Variants in EXOSC5 observed in about 807,000 individuals in gnomAD.
The protein encoded by EXOSC5 is exosome complex component RRP46.
EXOSC5 carries 15 observed loss-of-function variants against 23.7 expected under a neutral mutation model. That is an observed-to-expected ratio of 0.63 (90% CI 0.42 to 0.97). EXOSC5 has a LOEUF of 0.97. EXOSC5 is among the 50% of genes least tolerant of loss of function. The pLI, the probability that EXOSC5 is intolerant of heterozygous loss-of-function variation, is 0.00. For synonymous variants in EXOSC5, 143 were observed against 140.9 expected, an observed-to-expected ratio of 1.02 and a Z score of -0.11; for missense variants, 305 against 316.3, an observed-to-expected ratio of 0.96 and a Z score of 0.27.
chr19:41,397,344 T>G lies in EXOSC5; in HGVS notation c.-16A>C. 6.3e-7 allele frequency: 1 copy of G among 1,587,492 alleles called. No individual in the cohort carries two copies. Among genetic ancestry groups the G allele is most frequent in the Non-Finnish European group, 8.6e-7 (1 of 1,163,454 alleles). ...CCTCCTCCATCGCGCCGAGCCCACG[T>G]GCGGCTGCAGTTGTCACTTCCGCCT... On this transcript the variant is annotated 5_prime_UTR_variant, in exon 1 of 6. Coordinates refer to ENST00000221233, the MANE Select transcript of EXOSC5 (RefSeq NM_020158.4).
chr19:41,387,570 T>C lies in EXOSC5; in HGVS notation c.559A>G (p.Ser187Gly), dbSNP rs764802562. 1.7e-5 allele frequency: 27 copies of C among 1,606,772 alleles called. No individual in the cohort carries two copies. Among genetic ancestry groups the C allele is most frequent in the Non-Finnish European group, 2.3e-5 (27 of 1,177,158 alleles). Residue 187 changes from serine to glycine, a missense_variant, in exon 5 of 6, where the codon AGC becomes GGC. Ser to Gly is a moderately conservative substitution (Grantham distance 56, BLOSUM62 0). Transcript: ENST00000221233. ...ARAVLTFALD[S>G]VERKLLMSST... ...GACATCAGCAGCTTCCGTTCCACGC[T>C]GTCCAGGGCAAAGGTCAGGACTGCC...
chr19:41,390,148 G>A (rs2039013402), intron 3 of EXOSC5, among the ~76,000 whole-genome samples: 1 of 152,064 alleles, frequency 6.6e-6, no homozygotes, highest in Non-Finnish European at 1.5e-5. Flanking sequence ...GGCCAGGCTG[G>A]TCTGAAAACT....
At chr19:41,395,114 C>T in intron 1 of EXOSC5, among the ~76,000 whole-genome samples, 1 of 151,722 alleles carries the variant, frequency 6.6e-6, no homozygotes, top group East Asian at 1.9e-4. Context: ...CTGTGAGCAA[C>T]TGCACCCGGC....
Position 41,397,275 on chromosome 19 carries a change from C to T in EXOSC5, c.54G>A (p.Gly18=). Residue 18 remains glycine, a synonymous_variant, in exon 1 of 6, where the codon GGG becomes GGA. Coordinates refer to ENST00000221233, the MANE Select transcript of EXOSC5 (RefSeq NM_020158.4). ...TGCAGCCAGGACCCCGAGGGCTGGA[C>T]CCTGTTCCATTTTCAGCACGGATTT... ...DAKIRAENGT[G]SSPRGPGCSL... 1 of 1,614,152 alleles carries T rather than the reference C, an allele frequency of 6.2e-7. No individual in the cohort carries two copies. Among genetic ancestry groups the T allele is most frequent in the Non-Finnish European group, 8.5e-7 (1 of 1,179,984 alleles).
At chr19:41,391,636 T>C (rs1466084333) in intron 3 of EXOSC5, 8 of 576,920 alleles carry the variant, frequency 1.4e-5, no homozygotes, top group Non-Finnish European at 2.0e-5. Flanking sequence ...GCATGTGCTA[T>C]ATTACATGAG....
intron 1 of EXOSC5, among the ~76,000 whole-genome samples, chr19:41,395,419 G>C (rs556148256): frequency 1.3e-5 from 2 of 152,072 alleles, no homozygotes; most frequent in South Asian, 4.1e-4. Context: ...TCTCTCCCCT[G>C]TTGACCCCAC....
At chr19:41,394,604 G>A (rs948333721) in intron 1 of EXOSC5, among the ~76,000 whole-genome samples, 5 of 151,090 alleles carry the variant, frequency 3.3e-5, no homozygotes, top group African/African-American at 1.2e-4. Flanking sequence ...TGCAACCTCC[G>A]CCTCCCAGGC....
chr19:41,396,879 TA>T (rs1014202430), intron 1 of EXOSC5, among the ~76,000 whole-genome samples: 2 of 151,358 alleles, frequency 1.3e-5, no homozygotes, highest in Non-Finnish European at 2.9e-5. Context: ...GGAATCGAGT[TA>T]AGGGGGATAT....
In EXOSC5 at chr19:41,392,106, T is replaced by G. The variant is rs1599941029; in HGVS notation, c.263-144A>C. 4.7e-6 allele frequency: 6 copies of G among 1,266,226 alleles called. No homozygotes were observed. The East Asian group carries it at 1.7e-4, about 35-fold the overall frequency. 78.4% of individuals were successfully genotyped at this position (1,266,226 alleles called of 1,614,324 possible). A position where few individuals can be genotyped will look rare whatever the true frequency, so the allele number is the denominator to read the frequency against. On this transcript the variant is annotated intron_variant, in intron 2 of 5. Transcript: ENST00000221233. ...CTGCAGGGATGATGGAAGATTCCAGTGGGAAGAAGGCAAGGCCTGACTGCC... is the reference window on the plus strand; with the variant it reads ...CTGCAGGGATGATGGAAGATTCCAGGGGGAAGAAGGCAAGGCCTGACTGCC...
Position 41,397,312 on chromosome 19 carries a change from T to A in EXOSC5, c.17A>T (p.His6Leu), listed in dbSNP as rs770305782. Residue 6 changes from histidine (H) to leucine (L), a missense_variant, in exon 1 of 6, where the codon CAT becomes CTT. His to Leu is a moderately conservative substitution (Grantham distance 99). Coordinates refer to ENST00000221233, the MANE Select transcript of EXOSC5 (RefSeq NM_020158.4). Reference protein sequence around the residue: MEEETHTDAKIRAENG... With the variant: MEEETLTDAKIRAENG... ...TTCAGCACGGATTTTGGCGTCAGTA[T>A]GCGTCTCCTCCTCCATCGCGCCGAG... The A allele has an allele frequency of 6.2e-7, 1 of 1,613,734 alleles. No homozygotes were observed. Among genetic ancestry groups the A allele is most frequent in the Admixed American group, 1.7e-5 (1 of 60,014 alleles).
At position 41,395,383 on chromosome 19, in the gene EXOSC5, C is replaced by T. The variant is rs75842718; in HGVS notation, c.148+1798G>A. 5.4e-3 allele frequency among the ~76,000 whole-genome samples: 819 copies of T among 152,310 alleles called. 4 individuals are homozygous for T. Among genetic ancestry groups the T allele is most frequent in the Non-Finnish European group, 9.4e-3 (639 of 68,028 alleles). On this transcript the variant is annotated intron_variant, in intron 1 of 5. Coordinates refer to ENST00000221233, the MANE Select transcript of EXOSC5 (RefSeq NM_020158.4). ...AGCACAAGAGTCTCTCCCCTCTCAC[C>T]TTCTTGAAGACGTGGCTCCAGCAAT...
intron 1 of EXOSC5, among the ~76,000 whole-genome samples, chr19:41,396,617 C>CT (rs60285872): frequency 0.033 from 4,249 of 129,984 alleles, 181 homozygotes; most frequent in African/African-American, 0.1. Flanking sequence ...TTGCCCTAAT[C>CT]TTTTTTTTTT....
At chr19:41,395,675 C>G (rs1484258371) in intron 1 of EXOSC5, among the ~76,000 whole-genome samples, 1 of 152,184 alleles carries the variant, frequency 6.6e-6, no homozygotes, top group Non-Finnish European at 1.5e-5. Context: ...CCTGGTTTCC[C>G]CCTAACTCTC....
intron 1 of EXOSC5, 52 bp from the exon 2 acceptor site, chr19:41,393,032 C>G: frequency 1.9e-6 from 3 of 1,552,300 alleles, no homozygotes; most frequent in Non-Finnish European, 2.7e-6. Flanking sequence ...CTCCTGGGGC[C>G]CCATTTGTGG....
rs577692618 is a variant in EXOSC5 at position 41,387,915 on chromosome 19, C to T, written c.526-312G>A. Among the ~76,000 whole-genome samples the T allele has an allele frequency of 6.6e-5, 10 of 151,984 alleles. No individual in the cohort carries two copies. In the South Asian group the frequency reaches 1.7e-3, roughly 25 times the overall value. ...GTTTGAAGCTGCAGTGAGCTGTGAT[C>T]GTACTACACTCCAGCATGGGCGACA... On this transcript the variant is annotated intron_variant, in intron 4 of 5. Coordinates refer to ENST00000221233, the MANE Select transcript of EXOSC5 (RefSeq NM_020158.4).
At chr19:41,392,165 A>G in intron 2 of EXOSC5, 1 of 666,796 alleles carries the variant, frequency 1.5e-6, no homozygotes, top group Non-Finnish European at 2.3e-6. Context: ...AGCATCCACC[A>G]AGGGAACCAT....
chr19:41,392,488 C>T (rs1185904378), intron 2 of EXOSC5, among the ~76,000 whole-genome samples: 1 of 151,728 alleles, frequency 6.6e-6, no homozygotes, highest in African/African-American at 2.4e-5. Flanking sequence ...GGAGGCTGAG[C>T]CAGGGGAATT....
intron 4 of EXOSC5, among the ~76,000 whole-genome samples, chr19:41,388,245 G>A (rs777130818): frequency 6.6e-6 from 1 of 152,224 alleles, no homozygotes; most frequent in African/African-American, 2.4e-5. Context: ...TCACTTATCT[G>A]GTACCTCTCG....
At chr19:41,389,974 C>T (rs2039012082) in intron 3 of EXOSC5, 69 bp from the exon 4 acceptor site, 1 of 1,504,094 alleles carries the variant, frequency 6.6e-7, no homozygotes, top group Non-Finnish European at 8.8e-7. Flanking sequence ...CTCTTGTTGC[C>T]CAGGCTGGAG....
Sources: gnomAD v4.1 joint callset for allele counts (sites outside exome capture counted in the v4.1 genomes callset) on GRCh38, gnomAD v4.1.1 for gene constraint, MANE v1.5 for transcripts, NCBI Gene and HGNC (gene_info 2026-07-23, HGNC 2026-07-21) for gene names.